TMC1: variants seen among roughly 807,000 people sequenced by gnomAD.
TMC1 encodes transmembrane channel-like protein 1.
TMC1 carries 84 observed loss-of-function variants against 105.8 expected under a neutral mutation model. The ratio of observed to expected loss-of-function variants is 0.79; its 90% CI spans 0.67 to 0.95. The LOEUF (loss-of-function observed/expected upper bound fraction) is 0.95. TMC1 is among the 40% of genes least tolerant of loss of function. The pLI, the probability that TMC1 is intolerant of heterozygous loss-of-function variation, is 0.00. For missense variants in TMC1, 817 were observed against 914.1 expected (o/e 0.89, Z 1.37); for synonymous variants, 315 against 311.5 (o/e 1.01, Z -0.12).
chr9:72,756,766 A>C (rs1410182235), intron 12 of TMC1, among the ~76,000 whole-genome samples: 1 of 152,204 alleles, frequency 6.6e-6, no homozygotes, highest in Non-Finnish European at 1.5e-5. Context: ...AATACTTCTG[A>C]ATTTCCCAAT....
chr9:72,764,465 A>G (rs1453155271), intron 12 of TMC1, among the ~76,000 whole-genome samples: 1 of 152,180 alleles, frequency 6.6e-6, no homozygotes, highest in East Asian at 1.9e-4. Context: ...AGCTCATTTT[A>G]TAGCACTGAG....
chr9:72,573,570 A>AG (rs1296361546), intron 1 of TMC1, among the ~76,000 whole-genome samples: 2 of 152,172 alleles, frequency 1.3e-5, no homozygotes, highest in African/African-American at 4.8e-5. Context: ...TAAACCATTA[A>AG]GGGGGCAGGC....
chr9:72,557,762 G>A (rs1477102014), intron 1 of TMC1, among the ~76,000 whole-genome samples: 1 of 152,142 alleles, frequency 6.6e-6, no homozygotes, highest in Non-Finnish European at 1.5e-5. Context: ...GATTTTCACT[G>A]AGTCATTTGC....
chr9:72,725,383 A>G (rs1216094586), intron 8 of TMC1, among the ~76,000 whole-genome samples: 3 of 141,756 alleles, frequency 2.1e-5, no homozygotes, highest in Non-Finnish European at 4.6e-5. Flanking sequence ...ATACACACAC[A>G]CATGCGTACA....
At chr9:72,752,024 T>C in intron 11 of TMC1, 68 bp downstream of exon 11, 1 of 1,010,656 alleles carries the variant, frequency 9.9e-7, no homozygotes. Flanking sequence ...ATTTATCTCT[T>C]CTTTAAAGTA....
intron 1 of TMC1, among the ~76,000 whole-genome samples, chr9:72,555,159 A>G (rs1823909109): frequency 6.6e-6 from 1 of 150,962 alleles, no homozygotes; most frequent in Non-Finnish European, 1.5e-5. Flanking sequence ...AGTTACAGCC[A>G]AAGCACCTGA....
At chr9:72,709,198 C>A (rs1826794973) in intron 8 of TMC1, among the ~76,000 whole-genome samples, 1 of 152,102 alleles carries the variant, frequency 6.6e-6, no homozygotes, top group Non-Finnish European at 1.5e-5. Context: ...ATCCCTGCAT[C>A]CATGGTATGA....
At chr9:72,582,601 T>C (rs1024652847) in intron 2 of TMC1, among the ~76,000 whole-genome samples, 5 of 152,236 alleles carry the variant, frequency 3.3e-5, no homozygotes, top group Non-Finnish European at 5.9e-5. Flanking sequence ...CCGCCTTGTC[T>C]AGCTGTATGC....
At chr9:72,598,850 G>A (rs1291016815) in intron 2 of TMC1, among the ~76,000 whole-genome samples, 2 of 151,496 alleles carry the variant, frequency 1.3e-5, no homozygotes, top group East Asian at 3.9e-4. Context: ...ATTTGGGGAT[G>A]TCAGAACCGT....
At chr9:72,539,265 G>A (rs535301052) in intron 1 of TMC1, among the ~76,000 whole-genome samples, 40 of 151,984 alleles carry the variant, frequency 2.6e-4, no homozygotes, top group African/African-American at 9.4e-4. Context: ...AATCAGCCAG[G>A]TGTGGTGGCA....
intron 1 of TMC1, among the ~76,000 whole-genome samples, chr9:72,548,387 G>T (rs4452873): frequency 0.52 from 79,500 of 151,704 alleles, 21,756 homozygotes; most frequent in African/African-American, 0.69. Flanking sequence ...GCCTGGCCAA[G>T]ATGGTAAAAT....
In TMC1 at chr9:72,747,190, C is replaced by A. The variant is rs149969539; in HGVS notation, c.536-4660C>A. Among the ~76,000 whole-genome samples, 409 of 152,208 alleles carry A rather than the reference C, an allele frequency of 2.7e-3. 1 individual carries two copies. Among genetic ancestry groups the A allele is most frequent in the African/African-American group, 8.7e-3 (363 of 41,526 alleles). On this transcript the variant is annotated intron_variant, in intron 10 of 23. Transcript: ENST00000297784. ...GCAAGCCAAAGCACAGGGCTTAAAC[C>A]TTATGTTTCCTTGCTGCCCTAAGGA...
At chr9:72,740,759 T>C (rs1827375505) in intron 9 of TMC1, among the ~76,000 whole-genome samples, 1 of 152,178 alleles carries the variant, frequency 6.6e-6, no homozygotes, top group African/African-American at 2.4e-5. Context: ...AACATAGATA[T>C]TATTATCTCC....
chr9:72,659,844 C>T (rs536188456), intron 5 of TMC1, among the ~76,000 whole-genome samples: 63 of 152,258 alleles, frequency 4.1e-4, no homozygotes, highest in African/African-American at 1.5e-3. Flanking sequence ...GGCAGCTAAT[C>T]CACTCTTTTG....
intron 6 of TMC1, among the ~76,000 whole-genome samples, chr9:72,692,818 A>T (rs985888974): frequency 3.9e-5 from 6 of 152,112 alleles, no homozygotes; most frequent in African/African-American, 1.4e-4. Context: ...TTCCAAGCCC[A>T]GTTAGAAAAG....
At chr9:72,565,864 G>T (rs1268777277) in intron 1 of TMC1, among the ~76,000 whole-genome samples, 1 of 152,138 alleles carries the variant, frequency 6.6e-6, no homozygotes, top group Non-Finnish European at 1.5e-5. Flanking sequence ...TTATCCCCAT[G>T]ATTCAATTAC....
At chr9:72,603,206 A>G (rs1328841390) in intron 2 of TMC1, among the ~76,000 whole-genome samples, 1 of 152,158 alleles carries the variant, frequency 6.6e-6, no homozygotes, top group African/African-American at 2.4e-5. Flanking sequence ...CACATACTTC[A>G]TTGGCTTATT....
intron 2 of TMC1, among the ~76,000 whole-genome samples, chr9:72,604,682 T>C (rs2132114820): frequency 6.6e-6 from 1 of 152,356 alleles, no homozygotes; most frequent in Middle Eastern, 3.4e-3. Context: ...CGTACTATAG[T>C]CATTAAAGAA....
At chr9:72,537,249 C>G (rs1823601305) in intron 1 of TMC1, among the ~76,000 whole-genome samples, 2 of 152,182 alleles carry the variant, frequency 1.3e-5, no homozygotes, top group African/African-American at 4.8e-5. Flanking sequence ...GGAGCAGCCT[C>G]AAAGGTTTCT....
Sources: allele counts gnomAD v4.1 joint callset (sites outside exome capture counted in the v4.1 genomes callset), GRCh38; gene constraint gnomAD v4.1.1; transcripts MANE v1.5; gene names NCBI Gene and HGNC (gene_info 2026-07-23, HGNC 2026-07-21).